Variants in TENM2 observed in about 807,000 individuals in gnomAD.
TENM2 encodes teneurin-2.
TENM2 carries 52 observed loss-of-function variants against 245.2 expected under a neutral mutation model. The ratio of observed to expected loss-of-function variants is 0.21; its 90% CI spans 0.17 to 0.27. The LOEUF (loss-of-function observed/expected upper bound fraction) is 0.27, where lower values mean the gene tolerates loss of function less well. Ranked by LOEUF, TENM2 falls within the 10% of genes least tolerant of loss-of-function variation. The pLI, the probability that TENM2 is intolerant of heterozygous loss-of-function variation, is 1.00. For missense variants in TENM2, 3,046 were observed against 3,666.8 expected (o/e 0.83, Z 4.37); for synonymous variants, 1,363 against 1,438.9 (o/e 0.95, Z 1.19).
chr5:167,839,794 T>A (rs988108448), intron 2 of TENM2, among the ~76,000 whole-genome samples: 11 of 152,176 alleles, frequency 7.2e-5, no homozygotes, highest in Non-Finnish European at 1.5e-4. Context: ...AGGAAAAAAA[T>A]TAAATTACCT....
At chr5:167,303,712 T>C (rs1209666273) in intron 1 of TENM2, among the ~76,000 whole-genome samples, 1 of 152,120 alleles carries the variant, frequency 6.6e-6, no homozygotes, top group Non-Finnish European at 1.5e-5. Context: ...TGTGAATATG[T>C]ATCGAGACTA....
intron 3 of TENM2, among the ~76,000 whole-genome samples, chr5:167,928,915 AG>A (rs367580256): frequency 0.035 from 3,573 of 102,018 alleles, 419 homozygotes; most frequent in African/African-American, 0.12. Context: ...AAAAAAAAAA[AG>A]AAGAAGAAAG....
chr5:168,244,216 C>T lies in TENM2; in HGVS notation c.5521-204C>T, dbSNP rs563438915. Among the ~76,000 whole-genome samples, 2 of 152,134 alleles carry T rather than the reference C, an allele frequency of 1.3e-5. No homozygotes were observed. Among genetic ancestry groups the T allele is most frequent in the Non-Finnish European group, 2.9e-5 (2 of 68,012 alleles). On this transcript the variant is annotated intron_variant, in intron 25 of 28. Coordinates refer to ENST00000518659, the Ensembl canonical transcript of TENM2. This position sits in a 1 kb window ranked among gnomAD's most constrained non-coding sequence, Gnocchi z 4.9. ...CCTCCCACAGTGCTAGGATTACAGG[C>T]GTGAGCCACCACACCCGGCCAAATT...
intron 3 of TENM2, among the ~76,000 whole-genome samples, chr5:167,923,513 G>A (rs1214972073): frequency 1.3e-5 from 2 of 152,126 alleles, no homozygotes; most frequent in African/African-American, 2.4e-5. Context: ...CGCCGCTGAG[G>A]TAGAAAGACG....
the TENM2 span, among the ~76,000 whole-genome samples, chr5:167,095,045 A>G: frequency 6.6e-6 from 1 of 152,086 alleles, no homozygotes; most frequent in African/African-American, 2.4e-5. Flanking sequence ...TACATTATGT[A>G]CTCTAATTCA....
At chr5:168,010,863 C>T (rs1581048405) in intron 5 of TENM2, among the ~76,000 whole-genome samples, 1 of 152,136 alleles carries the variant, frequency 6.6e-6, no homozygotes, top group African/African-American at 2.4e-5. Context: ...AATTTGGGGG[C>T]GTTATTAAAA....
At chr5:168,249,155 G>A (rs997310430) in intron 27 of TENM2, among the ~76,000 whole-genome samples, 6 of 151,460 alleles carry the variant, frequency 4.0e-5, no homozygotes, top group African/African-American at 1.5e-4. Flanking sequence ...ATGAACTTGT[G>A]TAGTTATAGT....
chr5:167,348,119 A>G (rs1308090337), intron 1 of TENM2, among the ~76,000 whole-genome samples: 2 of 152,196 alleles, frequency 1.3e-5, no homozygotes, highest in Non-Finnish European at 2.9e-5. Context: ...TCCTGCTCGG[A>G]GTTTGGGAAA....
the TENM2 span, among the ~76,000 whole-genome samples, chr5:167,115,191 G>T: frequency 1.3e-5 from 2 of 152,248 alleles, no homozygotes; most frequent in African/African-American, 4.8e-5. Flanking sequence ...AGGAGACTCC[G>T]AAGAAGTTAG....
intron 2 of TENM2, among the ~76,000 whole-genome samples, chr5:167,703,844 CA>C (rs1758328024): frequency 6.6e-6 from 1 of 152,068 alleles, no homozygotes; most frequent in Non-Finnish European, 1.5e-5. Context: ...TAAAAAGAGG[CA>C]AGGATTTGTT....
chr5:167,759,957 T>C (rs1240142610), intron 2 of TENM2, among the ~76,000 whole-genome samples: 1 of 152,248 alleles, frequency 6.6e-6, no homozygotes, highest in Non-Finnish European at 1.5e-5. Context: ...TTTTGCATAT[T>C]TGATAAATAT....
At chr5:167,273,313 G>C in the TENM2 span, among the ~76,000 whole-genome samples, 2 of 152,114 alleles carry the variant, frequency 1.3e-5, no homozygotes, top group African/African-American at 4.8e-5. Context: ...ATTGCCATCC[G>C]GTGATGGCCA....
intron 2 of TENM2, among the ~76,000 whole-genome samples, chr5:167,468,912 T>C (rs1310969138): frequency 6.6e-6 from 1 of 152,182 alleles, no homozygotes; most frequent in Non-Finnish European, 1.5e-5. Flanking sequence ...ACATTTCTAT[T>C]GTACTCAATT....
At chr5:167,535,563 C>T (rs977030286) in intron 2 of TENM2, among the ~76,000 whole-genome samples, 10 of 152,140 alleles carry the variant, frequency 6.6e-5, no homozygotes, top group African/African-American at 2.2e-4. Flanking sequence ...GATTCAGACA[C>T]GATGACTACA....
intron 1 of TENM2, among the ~76,000 whole-genome samples, chr5:167,318,391 T>C (rs1756502241): frequency 3.3e-5 from 5 of 152,074 alleles, no homozygotes; most frequent in African/African-American, 1.2e-4. Flanking sequence ...ATTCACTTAA[T>C]GCATGTTATG....
At chr5:167,334,598 C>A (rs1466284015) in intron 1 of TENM2, among the ~76,000 whole-genome samples, 1 of 152,142 alleles carries the variant, frequency 6.6e-6, no homozygotes, top group Non-Finnish European at 1.5e-5. Context: ...TTTTCTTCCT[C>A]TCTTGTTTTT....
At chr5:167,431,396 T>G (rs1764211954) in intron 2 of TENM2, among the ~76,000 whole-genome samples, 2 of 152,072 alleles carry the variant, frequency 1.3e-5, no homozygotes, top group Non-Finnish European at 2.9e-5. Context: ...GGGACAAAAG[T>G]GTATCGCAAG....
the TENM2 span, among the ~76,000 whole-genome samples, chr5:167,130,019 T>A: frequency 1.3e-5 from 2 of 152,110 alleles, no homozygotes; most frequent in African/African-American, 4.8e-5. Flanking sequence ...TTAGTTGAAA[T>A]ATGGGAATAA....
intron 9 of TENM2, among the ~76,000 whole-genome samples, chr5:168,107,715 C>T (rs1794366621): frequency 6.6e-6 from 1 of 152,234 alleles, no homozygotes; most frequent in Admixed American, 6.5e-5. Context: ...GTAGTCACCC[C>T]TCATAAAGTG....
Sources: gnomAD v4.1 joint callset for allele counts (sites outside exome capture counted in the v4.1 genomes callset) on GRCh38, gnomAD v4.1.1 for gene constraint, Gnocchi (gnomAD v3.1) non-coding constraint, MANE v1.5 for transcripts, NCBI Gene and HGNC (gene_info 2026-07-23, HGNC 2026-07-21) for gene names.